The following GJB7 variants were observed in gnomAD, a reference collection of about 807,000 sequenced individuals.
GJB7 encodes gap junction protein beta 7, also known as gap junction beta-7 protein.
For synonymous variants in GJB7, 87 were observed against 95.2 expected (o/e 0.91, Z 0.50); for missense variants, 253 against 256.8 (o/e 0.99, Z 0.10).
At chr6:87,318,112 C>T (rs1318152724) in intron 2 of GJB7, among the ~76,000 whole-genome samples, 1 of 132,544 alleles carries the variant, frequency 7.5e-6, no homozygotes, top group Non-Finnish European at 1.6e-5. Context: ...TATCAGTTCC[C>T]CATTCTATTT....
chr6:87,312,138 C>T (rs947721388), intron 2 of GJB7, among the ~76,000 whole-genome samples: 2 of 151,928 alleles, frequency 1.3e-5, no homozygotes, highest in Non-Finnish European at 1.5e-5. Context: ...TTGTGAAAAT[C>T]CATCAAGCAG....
At position 87,290,852 on chromosome 6, in the gene GJB7, T is replaced by C. The variant is rs1458952285; in HGVS notation, c.-27-5913A>G. Among the ~76,000 whole-genome samples the C allele has an allele frequency of 3.3e-5, 5 of 152,314 alleles. No individual in the cohort carries two copies. The East Asian group carries it at 9.6e-4, about 29-fold the overall frequency. On this transcript the variant is annotated intron_variant, in intron 2 of 2. Transcript: ENST00000525899. ...AGTATGGCCCTCAAAACCTAAAATA[T>C]TTACTATCTCGCCCTTTGCACAAAA... is the stretch of plus-strand genomic sequence containing the variant.
At chr6:87,304,500 C>T (rs1366418031) in intron 2 of GJB7, among the ~76,000 whole-genome samples, 3 of 152,128 alleles carry the variant, frequency 2.0e-5, no homozygotes, top group African/African-American at 7.2e-5. Context: ...CTGAATAGAC[C>T]AATAACAGGC....
intron 2 of GJB7, among the ~76,000 whole-genome samples, chr6:87,311,325 A>G (rs1435958525): frequency 6.6e-6 from 1 of 152,222 alleles, no homozygotes; most frequent in Non-Finnish European, 1.5e-5. Flanking sequence ...AAAATACAAT[A>G]ATGTTCACAA....
rs747862282 is a variant in GJB7 at position 87,284,828 on chromosome 6, A to G, written c.85T>C (p.Phe29Leu). The G allele has an allele frequency of 1.2e-6, 2 of 1,614,098 alleles. No individual in the cohort carries two copies. The highest frequency in any genetic ancestry group is 1.7e-6 in the Non-Finnish European group (2 of 1,180,012). The change falls in exon 3 of 3, where the codon TTT becomes CTT. Residue 29 changes from phenylalanine (F) to leucine (L), a missense_variant. By Grantham distance (22) the Phe-to-Leu change is conservative. Transcript: ENST00000525899. ...ATGTAGACCAGCAAACGGAAGACAAACACGACAGCCAGCCAAATCCATCCA... is the reference window on the plus strand; with the variant it reads ...ATGTAGACCAGCAAACGGAAGACAAGCACGACAGCCAGCCAAATCCATCCA... ...GTGWIWLAVVFVFRLLVYMVA... is the reference protein window; with the variant it reads ...GTGWIWLAVVLVFRLLVYMVA...
chr6:87,301,845 A>C (rs1282360323), intron 2 of GJB7, among the ~76,000 whole-genome samples: 1 of 152,236 alleles, frequency 6.6e-6, no homozygotes, highest in Non-Finnish European at 1.5e-5. Context: ...CAGAGGAATG[A>C]TCAGGCAGCA....
chr6:87,298,946 T>A (rs1776283596), intron 2 of GJB7: 1 of 448,550 alleles, frequency 2.2e-6, no homozygotes, highest in Admixed American at 2.4e-5. Flanking sequence ...CCAAAAACAA[T>A]GATTGATCAA....
chr6:87,304,698 C>T (rs1739888), intron 2 of GJB7, among the ~76,000 whole-genome samples: 1 of 151,914 alleles, frequency 6.6e-6, no homozygotes, highest in Admixed American at 6.6e-5. Context: ...ATCCTGATAC[C>T]AAAGCCTGGC....
At chr6:87,295,765 T>C (rs188666260) in intron 2 of GJB7, among the ~76,000 whole-genome samples, 2 of 152,326 alleles carry the variant, frequency 1.3e-5, no homozygotes, top group Admixed American at 6.5e-5. Context: ...CCCAGCCAGA[T>C]ACCCTGTCTC....
At chr6:87,314,988 G>A (rs1298901880) in intron 2 of GJB7, among the ~76,000 whole-genome samples, 1 of 152,160 alleles carries the variant, frequency 6.6e-6, no homozygotes, top group Admixed American at 6.5e-5. Flanking sequence ...TGCACTCAGA[G>A]ACGATAGCTC....
At chr6:87,323,447 T>C (rs1776723841) in intron 1 of GJB7, among the ~76,000 whole-genome samples, 1 of 104,008 alleles carries the variant, frequency 9.6e-6, no homozygotes, top group Admixed American at 1.5e-4. Context: ...ACAACAGACC[T>C]CAGAGTGTGA....
intron 2 of GJB7, among the ~76,000 whole-genome samples, chr6:87,305,253 A>G (rs1346265577): frequency 6.6e-6 from 1 of 152,106 alleles, no homozygotes; most frequent in African/African-American, 2.4e-5. Context: ...TTTGCAGATG[A>G]CATGATTGTA....
chr6:87,304,325 T>A (rs185263509), intron 2 of GJB7, among the ~76,000 whole-genome samples: 142 of 151,972 alleles, frequency 9.3e-4, no homozygotes, highest in African/African-American at 3.4e-3. Flanking sequence ...TGACGCAATA[T>A]AAAATGATAA....
At chr6:87,318,889 TA>T (rs1204690638) in intron 2 of GJB7, among the ~76,000 whole-genome samples, 1 of 152,156 alleles carries the variant, frequency 6.6e-6, no homozygotes, top group Non-Finnish European at 1.5e-5. Flanking sequence ...TATTATTTTT[TA>T]AAAAAAGACC....
At chr6:87,292,527 C>A (rs1239063844) in intron 2 of GJB7, among the ~76,000 whole-genome samples, 1 of 151,906 alleles carries the variant, frequency 6.6e-6, no homozygotes, top group East Asian at 1.9e-4. Flanking sequence ...TTTCCCAACC[C>A]CAGAAATCAT....
intron 2 of GJB7, among the ~76,000 whole-genome samples, chr6:87,290,804 T>C (rs1294358692): frequency 6.6e-6 from 1 of 152,202 alleles, no homozygotes; most frequent in Non-Finnish European, 1.5e-5. Context: ...AGAACTGCAG[T>C]GTGGAGTAGT....
chr6:87,304,243 G>GT (rs1298530644), intron 2 of GJB7, among the ~76,000 whole-genome samples: 1 of 152,080 alleles, frequency 6.6e-6, no homozygotes, highest in Non-Finnish European at 1.5e-5. Flanking sequence ...CCAGGAGCTG[G>GT]TTTTTTGAAA....
At chr6:87,328,284 GTT>G (rs760467231) in intron 1 of GJB7, among the ~76,000 whole-genome samples, 8,658 of 152,258 alleles carry the variant, frequency 0.057, 331 homozygotes, top group East Asian at 0.13. Context: ...ACTTTGTTCC[GTT>G]GCTCGTGAGG....
intron 2 of GJB7, among the ~76,000 whole-genome samples, chr6:87,316,480 G>T (rs1776586492): frequency 6.6e-6 from 1 of 152,230 alleles, no homozygotes; most frequent in Non-Finnish European, 1.5e-5. Context: ...ATAAGTAGGA[G>T]TGAGGCAAAG....
Sources: allele counts gnomAD v4.1 joint callset (sites outside exome capture counted in the v4.1 genomes callset), GRCh38; gene constraint gnomAD v4.1.1; transcripts MANE v1.5; gene names NCBI Gene and HGNC (gene_info 2026-07-23, HGNC 2026-07-21).